SDK1: variants seen among roughly 807,000 people sequenced by gnomAD.
The protein encoded by SDK1 is sidekick cell adhesion molecule 1, also known as protein sidekick-1.
In SDK1, 157 loss-of-function variants were observed where a neutral mutation model predicts 245.5. The observed-to-expected ratio is 0.64, with a 90% CI of 0.56 to 0.73. The LOEUF is 0.73. Among genes scored for constraint, SDK1 ranks in the 30% least tolerant of loss-of-function variants. The pLI, the probability that SDK1 is intolerant of heterozygous loss-of-function variation, is 0.00. For synonymous variants in SDK1, 1,647 were observed against 1,278.5 expected (o/e 1.29, Z -6.15); for missense variants, 3,583 against 3,002.3 (o/e 1.19, Z -4.52).
chr7:3,627,709 A>T (rs931515994), intron 2 of SDK1, among the ~76,000 whole-genome samples: 1 of 152,222 alleles, frequency 6.6e-6, no homozygotes. Flanking sequence ...CCTTGCCAAC[A>T]TGACCGATTG....
intron 1 of SDK1, among the ~76,000 whole-genome samples, chr7:3,389,738 G>A (rs1781699503): frequency 7.8e-6 from 1 of 128,134 alleles, no homozygotes. Flanking sequence ...GCACTCCACA[G>A]CCTGGGCAAC....
intron 4 of SDK1, among the ~76,000 whole-genome samples, chr7:3,784,509 T>A (rs12540241): frequency 0.24 from 36,836 of 151,706 alleles, 4,901 homozygotes; most frequent in Middle Eastern, 0.36. Context: ...AACAACTCAA[T>A]AGAAAGAATA....
At chr7:3,564,739 A>G (rs2128627334) in intron 1 of SDK1, among the ~76,000 whole-genome samples, 1 of 152,282 alleles carries the variant, frequency 6.6e-6, no homozygotes. Flanking sequence ...CCTCCCAGAA[A>G]GCACCTGAGA....
chr7:3,803,598 A>G (rs914076476), intron 4 of SDK1, among the ~76,000 whole-genome samples: 1 of 152,096 alleles, frequency 6.6e-6, no homozygotes, highest in Admixed American at 6.5e-5. Flanking sequence ...GGCTTGAGCC[A>G]CTGCGCCTGT....
rs181915519 is a variant in SDK1 at position 3,426,236 on chromosome 7, G to T, written c.298+124352G>T. Among the ~76,000 whole-genome samples the T allele has an allele frequency of 2.5e-3, 376 of 152,282 alleles. 4 individuals are homozygous for T. The highest frequency in any genetic ancestry group is 8.7e-3 in the African/African-American group (360 of 41,542). ...GTGCAGTCGTGTAGTACTGTTTGCTGTGGGACAAGAGGAAGGAACAGACTG... is the reference window on the plus strand; with the variant it reads ...GTGCAGTCGTGTAGTACTGTTTGCTTTGGGACAAGAGGAAGGAACAGACTG... On this transcript the variant is annotated intron_variant, in intron 1 of 44. Coordinates refer to ENST00000404826, the MANE Select transcript of SDK1 (RefSeq NM_152744.4).
At chr7:4,175,325 G>A (rs567980351) in intron 33 of SDK1, among the ~76,000 whole-genome samples, 1 of 152,244 alleles carries the variant, frequency 6.6e-6, no homozygotes, top group Non-Finnish European at 1.5e-5. Flanking sequence ...AAACAGCACA[G>A]TAGAAGGGCC....
chr7:3,974,564 G>T lies in SDK1; in HGVS notation c.1994+19G>T, dbSNP rs752275657. ...AAGTGATGTGAGTACTGAGACGTTT[G>T]GTGTTAGCCAGTCCGCGGTTTTCTC... is the stretch of plus-strand genomic sequence containing the variant. On this transcript the variant is annotated intron_variant, in intron 13 of 44. Coordinates refer to ENST00000404826, the MANE Select transcript of SDK1 (RefSeq NM_152744.4). 3.7e-6 allele frequency: 6 copies of T among 1,606,800 alleles called. No individual in the cohort carries two copies. The African/African-American group carries it at 8.0e-5, about 21-fold the overall frequency.
intron 4 of SDK1, among the ~76,000 whole-genome samples, chr7:3,769,332 G>A (rs982731532): frequency 1.3e-5 from 2 of 152,134 alleles, no homozygotes; most frequent in Non-Finnish European, 2.9e-5. Flanking sequence ...ACTCTCTTCA[G>A]AGTCCTGAGG....
chr7:3,774,798 G>A (rs1780503753), intron 4 of SDK1, among the ~76,000 whole-genome samples: 1 of 152,170 alleles, frequency 6.6e-6, no homozygotes, highest in African/African-American at 2.4e-5. Context: ...TCTTTGTCCA[G>A]CCTTATAAAT....
intron 1 of SDK1, among the ~76,000 whole-genome samples, chr7:3,474,948 A>G (rs1781307341): frequency 6.6e-6 from 1 of 152,078 alleles, no homozygotes; most frequent in African/African-American, 2.4e-5. Flanking sequence ...TTCCTGGCCT[A>G]CCAAAATTCT....
intron 14 of SDK1, among the ~76,000 whole-genome samples, chr7:3,991,266 G>A (rs552434907): frequency 6.6e-6 from 1 of 152,162 alleles, no homozygotes; most frequent in Non-Finnish European, 1.5e-5. Flanking sequence ...GTGAGATGGG[G>A]CTGGGGCGTT....
intron 1 of SDK1, among the ~76,000 whole-genome samples, chr7:3,341,396 A>G (rs908268490): frequency 1.3e-5 from 2 of 152,204 alleles, no homozygotes; most frequent in Non-Finnish European, 2.9e-5. Flanking sequence ...AGCTAAGACC[A>G]TACTTCATGA....
At chr7:3,979,166 C>G (rs1327816961) in intron 13 of SDK1, among the ~76,000 whole-genome samples, 1 of 152,210 alleles carries the variant, frequency 6.6e-6, no homozygotes, top group Non-Finnish European at 1.5e-5. Flanking sequence ...TTCTCAGCTT[C>G]TGCCTCTCAC....
chr7:3,939,936 G>A (rs538080463), intron 5 of SDK1, among the ~76,000 whole-genome samples: 1 of 152,328 alleles, frequency 6.6e-6, no homozygotes, highest in South Asian at 2.1e-4. Flanking sequence ...GAAGTGTCAC[G>A]GAGCTGTCTT....
chr7:4,168,159 A>G (rs567208856), intron 32 of SDK1, among the ~76,000 whole-genome samples: 16 of 152,316 alleles, frequency 1.1e-4, no homozygotes, highest in African/African-American at 3.4e-4. Context: ...ACCTGCTAGC[A>G]GAGTGGCCTC....
intron 4 of SDK1, among the ~76,000 whole-genome samples, chr7:3,755,863 A>G (rs1779910333): frequency 6.6e-6 from 1 of 152,108 alleles, no homozygotes; most frequent in African/African-American, 2.4e-5. Flanking sequence ...CACATGGCAT[A>G]GTGCGTGTGA....
At chr7:4,092,633 G>C (rs933152808) in intron 22 of SDK1, among the ~76,000 whole-genome samples, 21 of 152,220 alleles carry the variant, frequency 1.4e-4, no homozygotes, top group African/African-American at 4.6e-4. Context: ...CCCTGGGCTA[G>C]AATTTGGGGA....
At chr7:4,021,920 A>T (rs1228623034) in intron 17 of SDK1, among the ~76,000 whole-genome samples, 1 of 152,204 alleles carries the variant, frequency 6.6e-6, no homozygotes, top group Non-Finnish European at 1.5e-5. Context: ...CTGCAAAAGC[A>T]CAGGTCCTTC....
chr7:3,399,821 TC>T (rs1311265906), intron 1 of SDK1, among the ~76,000 whole-genome samples: 1 of 152,108 alleles, frequency 6.6e-6, no homozygotes. Context: ...TGTGTGGAGT[TC>T]CAGATACCCA....
Sources: allele counts gnomAD v4.1 joint callset (sites outside exome capture counted in the v4.1 genomes callset), GRCh38; gene constraint gnomAD v4.1.1; transcripts MANE v1.5; gene names NCBI Gene and HGNC (gene_info 2026-07-23, HGNC 2026-07-21).